ARHGAP18: variants seen among roughly 807,000 people sequenced by gnomAD.
ARHGAP18 encodes the protein Rho GTPase activating protein 18, also known as rho GTPase-activating protein 18.
A neutral mutation model predicts 86.2 loss-of-function variants in ARHGAP18; 67 were observed. The ratio of observed to expected loss-of-function variants is 0.78; its 90% CI spans 0.64 to 0.95. ARHGAP18 has a LOEUF of 0.95. Among genes scored for constraint, ARHGAP18 ranks in the 40% least tolerant of loss-of-function variants. The pLI is 0.00. For synonymous variants in ARHGAP18, 283 were observed against 280.4 expected (o/e 1.01, Z -0.09); for missense variants, 691 against 780.4 (o/e 0.89, Z 1.37).
At chr6:129,628,094 G>C (rs1245204394) in intron 5 of ARHGAP18, among the ~76,000 whole-genome samples, 2 of 152,124 alleles carry the variant, frequency 1.3e-5, no homozygotes, top group Non-Finnish European at 2.9e-5. Flanking sequence ...TTTTGCCTGT[G>C]TGAAATTCTG....
At chr6:129,644,186 C>T (rs1773531226) in intron 1 of ARHGAP18, among the ~76,000 whole-genome samples, 2 of 152,044 alleles carry the variant, frequency 1.3e-5, no homozygotes, top group Admixed American at 1.3e-4. Flanking sequence ...TCATTGTTTG[C>T]CTTCTTCATC....
At chr6:129,597,424 C>T (rs957983305) in intron 12 of ARHGAP18, among the ~76,000 whole-genome samples, 2 of 152,114 alleles carry the variant, frequency 1.3e-5, no homozygotes, top group African/African-American at 4.8e-5. Context: ...AGAAAGCTTC[C>T]ACTGCAGGTT....
At chr6:129,646,192 T>C (rs1773576030) in intron 1 of ARHGAP18, among the ~76,000 whole-genome samples, 1 of 152,204 alleles carries the variant, frequency 6.6e-6, no homozygotes, top group African/African-American at 2.4e-5. Flanking sequence ...AAGTACCAAA[T>C]GATTCCAGCT....
intron 12 of ARHGAP18, among the ~76,000 whole-genome samples, chr6:129,584,351 G>A (rs1788349497): frequency 6.6e-6 from 1 of 152,170 alleles, no homozygotes; most frequent in Non-Finnish European, 1.5e-5. Flanking sequence ...AAGATGTAAA[G>A]AATGACAGCA....
At chr6:129,678,809 A>G (rs1774277634) in intron 1 of ARHGAP18, among the ~76,000 whole-genome samples, 1 of 152,208 alleles carries the variant, frequency 6.6e-6, no homozygotes, top group Non-Finnish European at 1.5e-5. Context: ...AAAAATTTCT[A>G]AGTGCTTAAA....
At chr6:129,700,598 C>T (rs1353633230) in intron 1 of ARHGAP18, among the ~76,000 whole-genome samples, 3 of 152,212 alleles carry the variant, frequency 2.0e-5, no homozygotes, top group Non-Finnish European at 2.9e-5. Context: ...CACAACAATG[C>T]TTTCCTATAC....
At chr6:129,585,397 T>A (rs1350037163) in intron 12 of ARHGAP18, among the ~76,000 whole-genome samples, 2 of 152,206 alleles carry the variant, frequency 1.3e-5, no homozygotes, top group East Asian at 3.8e-4. Flanking sequence ...ACCTTTAGAA[T>A]CAGGCTCTAT....
At chr6:129,585,649 A>G (rs1013525269) in intron 12 of ARHGAP18, among the ~76,000 whole-genome samples, 42 of 152,240 alleles carry the variant, frequency 2.8e-4, no homozygotes, top group African/African-American at 8.9e-4. Context: ...TCCTCTGACC[A>G]GTCAGTGAAG....
intron 12 of ARHGAP18, chr6:129,598,774 C>A (rs555495321): frequency 1.3e-5 from 2 of 152,242 alleles, no homozygotes; most frequent in East Asian, 3.9e-4. Flanking sequence ...CAAACATTAA[C>A]CTATTTGTCC....
chr6:129,702,770 C>T (rs906495727), intron 1 of ARHGAP18, among the ~76,000 whole-genome samples: 15 of 152,132 alleles, frequency 9.9e-5, no homozygotes, highest in African/African-American at 2.2e-4. Context: ...GAGGCCTAGG[C>T]GGGTGGATCA....
At chr6:129,686,240 CACG>C (rs1774422181) in intron 1 of ARHGAP18, among the ~76,000 whole-genome samples, 2 of 128,260 alleles carry the variant, frequency 1.6e-5, no homozygotes, top group African/African-American at 5.2e-5. Context: ...TATGAACTCC[CACG>C]CTCCCAAACC....
intron 1 of ARHGAP18, among the ~76,000 whole-genome samples, chr6:129,679,574 G>C (rs556953546): frequency 1.4e-4 from 22 of 152,322 alleles, no homozygotes; most frequent in African/African-American, 4.8e-4. Flanking sequence ...GACACGATTA[G>C]AGGGCTGCTT....
Position 129,605,901 on chromosome 6 carries a change from A to C in ARHGAP18, c.1341T>G (p.Pro447=), listed in dbSNP as rs1402317047. 1 of 1,613,496 alleles carries C rather than the reference A, an allele frequency of 6.2e-7. No individual in the cohort carries two copies. Among genetic ancestry groups the C allele is most frequent in the South Asian group, 1.1e-5 (1 of 91,078 alleles). Reference sequence around the variant, plus strand: ...CCTTCAGTGTGTCCCTGTTTGCATCAGGTAGGAGGATGACAAGAAGGTTCA... The same window carrying C: ...CCTTCAGTGTGTCCCTGTTTGCATCCGGTAGGAGGATGACAAGAAGGTTCA... ...QALNLLVILL[P]DANRDTLKAL... Residue 447 remains proline (P), a synonymous_variant, in exon 10 of 15, where the codon CCT becomes CCG. Transcript: ENST00000368149.
At chr6:129,616,737 C>T (rs996609507) in intron 6 of ARHGAP18, among the ~76,000 whole-genome samples, 4 of 152,028 alleles carry the variant, frequency 2.6e-5, no homozygotes, top group African/African-American at 7.2e-5. Context: ...TGCTTGAGCC[C>T]AGGAGTTCAA....
chr6:129,616,202 G>C lies in ARHGAP18; in HGVS notation c.1044+10C>G, dbSNP rs773962788. 1.9e-6 allele frequency: 3 copies of C among 1,602,276 alleles called. No homozygotes were observed. In the East Asian group the frequency reaches 6.7e-5, roughly 36 times the overall value. ...GTTCTCTCTATGCTGACCAATCCAA[G>C]CCTACCTACTTTTTGAAAGATCAAG... On this transcript the variant is annotated intron_variant, in intron 7 of 14. Transcript: ENST00000368149.
intron 5 of ARHGAP18, among the ~76,000 whole-genome samples, chr6:129,625,778 TATATATA>T (rs1261186999): frequency 0.092 from 5,338 of 58,038 alleles, 911 homozygotes; most frequent in East Asian, 0.21. Flanking sequence ...TATATATTTA[TATATATA>T]ATATATATTT....
chr6:129,672,017 C>T (rs929103), intron 1 of ARHGAP18, among the ~76,000 whole-genome samples: 6,501 of 152,248 alleles, frequency 0.043, 202 homozygotes, highest in Admixed American at 0.073. Flanking sequence ...GATTACAACA[C>T]TCACAGCAGG....
intron 1 of ARHGAP18, among the ~76,000 whole-genome samples, chr6:129,663,497 G>A (rs1773990684): frequency 6.6e-6 from 1 of 152,098 alleles, no homozygotes; most frequent in Non-Finnish European, 1.5e-5. Flanking sequence ...ATGTGAATAT[G>A]GCAGAACAGA....
At chr6:129,659,270 G>A (rs561362748) in intron 1 of ARHGAP18, among the ~76,000 whole-genome samples, 1 of 152,284 alleles carries the variant, frequency 6.6e-6, no homozygotes, top group Admixed American at 6.5e-5. Flanking sequence ...TCTCCTCGTA[G>A]AGCCCAGCAG....
Sources: allele counts gnomAD v4.1 joint callset (sites outside exome capture counted in the v4.1 genomes callset), GRCh38; gene constraint gnomAD v4.1.1; transcripts MANE v1.5; gene names NCBI Gene and HGNC (gene_info 2026-07-23, HGNC 2026-07-21).